The following COG1 variants were observed in gnomAD, a reference collection of about 807,000 sequenced individuals.
COG1 encodes the protein component of oligomeric golgi complex 1, also known as conserved oligomeric Golgi complex subunit 1.
A neutral mutation model predicts 102.2 loss-of-function variants in COG1; 61 were observed. That is an observed-to-expected ratio of 0.60 (90% CI 0.49 to 0.74). The LOEUF (loss-of-function observed/expected upper bound fraction) is 0.74, where lower values mean the gene tolerates loss of function less well. Among genes scored for constraint, COG1 ranks in the 30% least tolerant of loss-of-function variants. COG1 has a pLI of 0.00. For synonymous variants in COG1, 454 were observed against 493.6 expected, an observed-to-expected ratio of 0.92 and a Z score of 1.06; for missense variants, 1,164 against 1,232.1, an observed-to-expected ratio of 0.94 and a Z score of 0.83.
chr17:73,201,160 T>A lies in COG1; in HGVS notation c.1333T>A (p.Leu445Met). ...DSISSSSKEL[L>M]VSALQELESS... ...CATCTCCAGTAGCTCCAAGGAGCTC[T>A]TGGTTTCAGCTTTGCAGGAACTTGA... The change falls in exon 7 of 14, where the codon TTG becomes ATG. Residue 445 changes from leucine to methionine, a missense_variant. Transcript: ENST00000299886. 1.2e-5 allele frequency: 20 copies of A among 1,614,238 alleles called. No homozygotes were observed. The highest frequency in any genetic ancestry group is 1.6e-5 in the Non-Finnish European group (19 of 1,180,038).
At position 73,201,285 on chromosome 17, in the gene COG1, T is replaced by C. The variant is rs1170777586; in HGVS notation, c.1458T>C (p.Asp486=). ...AGAGTCCTAATGACCTGCCTTCCGA[T>C]GCGGCCTGGGTCAGCGTGGCAAACC... ...WSESPNDLPS[D]AAWVSVANRG... Residue 486 remains aspartate (D), a synonymous_variant, in exon 7 of 14, where the codon GAT becomes GAC. Coordinates refer to ENST00000299886, the MANE Select transcript of COG1 (RefSeq NM_018714.3). 4 of 1,614,220 alleles carry C rather than the reference T, an allele frequency of 2.5e-6. No homozygotes were observed. Among genetic ancestry groups the C allele is most frequent in the East Asian group, 4.5e-5 (2 of 44,886 alleles).
At chr17:73,205,777 ACATT>A in intron 10 of COG1, 97 bp downstream of exon 10, 3 of 1,463,018 alleles carry the variant, frequency 2.1e-6, no homozygotes, top group Non-Finnish European at 2.9e-6. Flanking sequence ...GTTATACTGC[ACATT>A]CATTGTGTTT....
At chr17:73,206,342 A>T in intron 11 of COG1, 80 bp downstream of exon 11, 2 of 1,082,672 alleles carry the variant, frequency 1.8e-6, no homozygotes, top group Non-Finnish European at 2.9e-6. Context: ...TCAAGCACGT[A>T]ATACTCCAGG....
intron 1 of COG1, among the ~76,000 whole-genome samples, chr17:73,195,303 T>C (rs1177866762): frequency 6.6e-6 from 1 of 152,132 alleles, no homozygotes; most frequent in African/African-American, 2.4e-5. Flanking sequence ...CCATGGAAAC[T>C]TGACGAGAAA....
At chr17:73,195,998 C>T (rs1020795487) in intron 1 of COG1, among the ~76,000 whole-genome samples, 2 of 152,178 alleles carry the variant, frequency 1.3e-5, no homozygotes, top group Non-Finnish European at 2.9e-5. Flanking sequence ...AACAAAATAC[C>T]TGAGATTGGG....
chr17:73,195,874 C>T (rs758393177), intron 1 of COG1, among the ~76,000 whole-genome samples: 15 of 152,186 alleles, frequency 9.9e-5, no homozygotes, highest in Non-Finnish European at 1.5e-4. Flanking sequence ...TGTATATTTA[C>T]CCTAGGAGTT....
At position 73,199,988 on chromosome 17, in the gene COG1, A is replaced by G. The variant is rs756727694; in HGVS notation, c.1037A>G (p.Tyr346Cys). The G allele has an allele frequency of 2.5e-6, 4 of 1,613,880 alleles. No individual in the cohort carries two copies. The highest frequency in any genetic ancestry group is 3.4e-6 in the Non-Finnish European group (4 of 1,179,904). Residue 346 changes from tyrosine (Y) to cysteine (C), a missense_variant, in exon 5 of 14, where the codon TAC becomes TGC. Physicochemically the swap from Tyr to Cys is radical, Grantham distance 194. Coordinates refer to ENST00000299886, the MANE Select transcript of COG1 (RefSeq NM_018714.3). ...CTTGCACATCCCATCAGTCAGGAAT[A>G]CCTGAAAGACACGCTGCAGAAATGG... ...RTLAHPISQE[Y>C]LKDTLQKWIH...
intron 7 of COG1, 126 bp downstream of exon 7, chr17:73,202,026 T>A: frequency 9.3e-7 from 1 of 1,074,956 alleles, no homozygotes; most frequent in South Asian, 1.3e-5. Context: ...TAACTTTATC[T>A]CTGCCAGAAA....
intron 7 of COG1, among the ~76,000 whole-genome samples, chr17:73,202,618 T>G (rs969972386): frequency 1.3e-5 from 2 of 152,042 alleles, no homozygotes; most frequent in African/African-American, 4.8e-5. Context: ...TGAAACCCCC[T>G]ATCTACAAAA....
rs769291207 is a variant in COG1, at chr17:73,206,739, A to C, written c.2651A>C (p.Asn884Thr). ...TTTGGATTGGTGACTGGTACAGAGA[A>C]TCAGCTCGCCCCCCGGAGCAGTACG... ...VLFGLVTGTE[N>T]QLAPRSSTFN... is the part of the protein sequence containing the mutation. Residue 884 changes from asparagine (N) to threonine (T), a missense_variant, in exon 12 of 14, where the codon AAT becomes ACT. Transcript: ENST00000299886. 6.2e-7 allele frequency: 1 copy of C among 1,613,130 alleles called. No individual in the cohort carries two copies. Among genetic ancestry groups the C allele is most frequent in the Admixed American group, 1.7e-5 (1 of 59,882 alleles).
At position 73,207,241 on chromosome 17, in the gene COG1, C is replaced by T. The variant is rs770966526; in HGVS notation, c.2790C>T (p.Ile930=). ...GAAAGGCTAAATCAACCAGAAACATCGAAACAAAAGCTCAGGTTGGTGCCA... is the reference window on the plus strand; with the variant it reads ...GAAAGGCTAAATCAACCAGAAACATTGAAACAAAAGCTCAGGTTGGTGCCA... ...STRKAKSTRN[I]ETKAQVVPPA... is the part of the protein sequence containing the mutation. Residue 930 remains isoleucine, a synonymous_variant, in exon 13 of 14, where the codon ATC becomes ATT. Transcript: ENST00000299886. The T allele has an allele frequency of 1.4e-5, 22 of 1,613,880 alleles. No individual in the cohort carries two copies. In the East Asian group the frequency reaches 3.1e-4, roughly 23 times the overall value.
chr17:73,198,997 C>T (rs1013648208), intron 4 of COG1, among the ~76,000 whole-genome samples: 1 of 152,194 alleles, frequency 6.6e-6, no homozygotes, highest in Non-Finnish European at 1.5e-5. Flanking sequence ...AAGGTGCTTA[C>T]ATTTAGTACC....
chr17:73,200,424 GGTCT>G (rs1328776773), intron 5 of COG1, 138 bp from the exon 6 acceptor site: 1 of 879,680 alleles, frequency 1.1e-6, no homozygotes, highest in African/African-American at 1.6e-5. Flanking sequence ...TGTTGCTACA[GGTCT>G]ATCAACACTG....
chr17:73,200,457 CT>C, intron 5 of COG1, 108 bp from the exon 6 acceptor site: 2 of 993,350 alleles, frequency 2.0e-6, no homozygotes, highest in Non-Finnish European at 3.2e-6. Context: ...AGATATTTAT[CT>C]ACTGGAACTC....
chr17:73,207,018 AG>A, intron 12 of COG1, 162 bp from the exon 13 acceptor site: 1 of 712,938 alleles, frequency 1.4e-6, no homozygotes, highest in African/African-American at 1.8e-5. Flanking sequence ...GCGTGAACCC[AG>A]GAGGCGGAGC....
In COG1 at chr17:73,197,355, T is replaced by G; in HGVS notation, c.872T>G (p.Leu291Arg). 6.2e-7 allele frequency: 1 copy of G among 1,614,194 alleles called. No homozygotes were observed. Among genetic ancestry groups the G allele is most frequent in the South Asian group, 1.1e-5 (1 of 91,084 alleles). ...LPDPALPCGL[L>R]FSTLETITGQ... ...GATCCAGCCCTGCCATGTGGCTTGCTCTTCTCTACTCTGGAGACCATCACA... is the reference window on the plus strand; with the variant it reads ...GATCCAGCCCTGCCATGTGGCTTGCGCTTCTCTACTCTGGAGACCATCACA... The change falls in exon 4 of 14, where the codon CTC becomes CGC. Residue 291 changes from leucine to arginine, a missense_variant. Coordinates refer to ENST00000299886, the MANE Select transcript of COG1 (RefSeq NM_018714.3).
intron 6 of COG1, 140 bp downstream of exon 6, chr17:73,200,916 C>A: frequency 1.1e-6 from 1 of 947,686 alleles, no homozygotes; most frequent in Non-Finnish European, 1.7e-6. Context: ...GCTGAAAATA[C>A]ACCAGGCCTC....
Position 73,201,244 on chromosome 17 carries a change from C to T in COG1, c.1417C>T (p.Leu473Phe). Reference protein sequence around the residue: ...KHIHFEYNMSLFLWSESPNDL... With the variant: ...KHIHFEYNMSFFLWSESPNDL... ...CATCCACTTTGAGTACAACATGTCG[C>T]TCTTCCTCTGGTCTGAGAGTCCTAA... Residue 473 changes from leucine (L) to phenylalanine (F), a missense_variant, in exon 7 of 14, where the codon CTC becomes TTC. Coordinates refer to ENST00000299886, the MANE Select transcript of COG1 (RefSeq NM_018714.3). The T allele has an allele frequency of 1.9e-6, 3 of 1,614,252 alleles. No homozygotes were observed. The highest frequency in any genetic ancestry group is 2.2e-5 in the East Asian group (1 of 44,890).
chr17:73,205,731 A>T (rs368689788), intron 10 of COG1, 51 bp downstream of exon 10: 4 of 1,611,224 alleles, frequency 2.5e-6, no homozygotes, highest in Non-Finnish European at 3.4e-6. Context: ...CCAAAAGCAA[A>T]TAGTCCCTTT....
Sources: allele counts gnomAD v4.1 joint callset (sites outside exome capture counted in the v4.1 genomes callset), GRCh38; gene constraint gnomAD v4.1.1; transcripts MANE v1.5; gene names NCBI Gene and HGNC (gene_info 2026-07-23, HGNC 2026-07-21).